TSPAN9: variants seen among roughly 807,000 people sequenced by gnomAD.
TSPAN9 encodes tetraspanin 9.
A neutral mutation model predicts 31.0 loss-of-function variants in TSPAN9; 16 were observed. The observed-to-expected ratio is 0.52, with a 90% CI of 0.35 to 0.78. The LOEUF (loss-of-function observed/expected upper bound fraction) is 0.78. TSPAN9 is among the 30% of genes least tolerant of loss of function. The pLI, the probability that TSPAN9 is intolerant of heterozygous loss-of-function variation, is 0.01. For synonymous variants in TSPAN9, 145 were observed against 121.6 expected (o/e 1.19, Z -1.27); for missense variants, 272 against 312.5 (o/e 0.87, Z 0.98).
chr12:3,098,072 A>T (rs1345778578), intron 2 of TSPAN9, among the ~76,000 whole-genome samples: 1 of 152,228 alleles, frequency 6.6e-6, no homozygotes, highest in African/African-American at 2.4e-5. Flanking sequence ...TGCAGAGTGC[A>T]GCCGGATGTG....
At chr12:3,185,927 T>C (rs908298512) in intron 2 of TSPAN9, among the ~76,000 whole-genome samples, 1 of 152,210 alleles carries the variant, frequency 6.6e-6, no homozygotes, top group African/African-American at 2.4e-5. Flanking sequence ...TTGGAGGCTC[T>C]CACTGTGGAG....
At position 3,198,520 on chromosome 12, in the gene TSPAN9, ACACCAGCACAGGCCAC is replaced by A. The variant is rs1215643700; in HGVS notation, c.-17-2628_-17-2613del. On this transcript the variant is annotated intron_variant, in intron 2 of 8. Transcript: ENST00000011898. ...GCACAGGCCACCACCAGCACAGGTC[ACACCAGCACAGGCCAC>A]CACCAGCACAGGCCACCACCAGCAC... is the stretch of plus-strand genomic sequence containing the variant. Among the ~76,000 whole-genome samples the A allele has an allele frequency of 1.8e-3, 165 of 89,754 alleles. 6 individuals are homozygous for A. The highest frequency in any genetic ancestry group is 8.8e-3 in the African/African-American group (150 of 16,952). 58.9% of individuals were successfully genotyped at this position (89,754 alleles called of 152,430 possible).
intron 3 of TSPAN9, 95 bp downstream of exon 3, chr12:3,201,351 T>C (rs1399188453): frequency 2.4e-6 from 3 of 1,231,782 alleles, no homozygotes; most frequent in Non-Finnish European, 3.6e-6. Context: ...GCTGCATTGC[T>C]CTGCTCTCTG....
intron 3 of TSPAN9, among the ~76,000 whole-genome samples, chr12:3,230,211 T>C (rs2098389941): frequency 6.6e-6 from 1 of 152,188 alleles, no homozygotes; most frequent in Admixed American, 6.5e-5. Flanking sequence ...GTGGAGATGC[T>C]TGGAAGGCCG....
chr12:3,152,733 C>G (rs1242113769), intron 2 of TSPAN9, among the ~76,000 whole-genome samples: 1 of 152,194 alleles, frequency 6.6e-6, no homozygotes, highest in Non-Finnish European at 1.5e-5. Context: ...ACTACAAATG[C>G]CTACCACTAT....
chr12:3,245,472 A>G (rs1042917835), intron 3 of TSPAN9, among the ~76,000 whole-genome samples: 4 of 152,216 alleles, frequency 2.6e-5, no homozygotes, highest in Non-Finnish European at 5.9e-5. Flanking sequence ...TTGAGTTGGC[A>G]GCCCAGGGGA....
At chr12:3,082,579 G>A (rs1407228293) in intron 1 of TSPAN9, among the ~76,000 whole-genome samples, 4 of 152,162 alleles carry the variant, frequency 2.6e-5, no homozygotes, top group Non-Finnish European at 5.9e-5. Context: ...GCTTAAGGAG[G>A]GTGAATCTGA....
At chr12:3,198,888 T>TCACCAC (rs1565610794) in intron 2 of TSPAN9, among the ~76,000 whole-genome samples, 2 of 115,008 alleles carry the variant, frequency 1.7e-5, no homozygotes, top group Non-Finnish European at 3.7e-5. Flanking sequence ...CAGGTCACCA[T>TCACCAC]CAGCACAGGT....
chr12:3,186,636 TAGG>T (rs2098361567), intron 2 of TSPAN9, among the ~76,000 whole-genome samples: 1 of 151,612 alleles, frequency 6.6e-6, no homozygotes, highest in Non-Finnish European at 1.5e-5. Context: ...GAGAAGGCAT[TAGG>T]GGGTTTTGCA....
chr12:3,266,398 T>A (rs570879660), intron 3 of TSPAN9, among the ~76,000 whole-genome samples: 2 of 152,262 alleles, frequency 1.3e-5, no homozygotes, highest in South Asian at 4.2e-4. Context: ...CTAGCACTGG[T>A]GCACGATCGG....
intron 3 of TSPAN9, among the ~76,000 whole-genome samples, chr12:3,243,648 T>C (rs1158646998): frequency 6.6e-6 from 1 of 152,158 alleles, no homozygotes; most frequent in Non-Finnish European, 1.5e-5. Flanking sequence ...TCGGCCCTCC[T>C]GCTGTCACCC....
In TSPAN9 at chr12:3,270,278, C is replaced by T. The variant is rs116401955; in HGVS notation, c.64-8143C>T. On this transcript the variant is annotated intron_variant, in intron 3 of 8. Coordinates refer to ENST00000011898, the MANE Select transcript of TSPAN9 (RefSeq NM_006675.5). Reference sequence around the variant, plus strand: ...TGGGGATGGGGTATAGATGGAGGTGCGGGAGGTGACCTGCATCGTCCTGTA... The same window carrying T: ...TGGGGATGGGGTATAGATGGAGGTGTGGGAGGTGACCTGCATCGTCCTGTA... Among the ~76,000 whole-genome samples, 42 of 152,214 alleles carry T rather than the reference C, an allele frequency of 2.8e-4. No individual in the cohort carries two copies. In the East Asian group the frequency reaches 6.0e-3, roughly 22 times the overall value.
At chr12:3,278,879 C>A in intron 4 of TSPAN9, 113 bp from the exon 5 acceptor site, 1 of 1,173,654 alleles carries the variant, frequency 8.5e-7, no homozygotes, top group Non-Finnish European at 1.3e-6. Flanking sequence ...GAGCTGGCTT[C>A]TCCCAGACCT....
chr12:3,213,449 C>G (rs1407604792), intron 3 of TSPAN9, among the ~76,000 whole-genome samples: 1 of 152,208 alleles, frequency 6.6e-6, no homozygotes, highest in Non-Finnish European at 1.5e-5. Context: ...ATGTCTGAGC[C>G]ATTTAGGACA....
At chr12:3,144,704 C>A (rs1025628646) in intron 2 of TSPAN9, among the ~76,000 whole-genome samples, 1 of 152,196 alleles carries the variant, frequency 6.6e-6, no homozygotes, top group Non-Finnish European at 1.5e-5. Flanking sequence ...GTTGCAGGTG[C>A]GGGCAGCTTC....
chr12:3,208,328 G>T (rs1292041010), intron 3 of TSPAN9, among the ~76,000 whole-genome samples: 9 of 152,156 alleles, frequency 5.9e-5, no homozygotes, highest in Admixed American at 5.9e-4. Flanking sequence ...GGGCCAGGGG[G>T]GTTTCTTGGA....
chr12:3,241,023 G>C (rs1299206226), intron 3 of TSPAN9, among the ~76,000 whole-genome samples: 1 of 152,200 alleles, frequency 6.6e-6, no homozygotes, highest in African/African-American at 2.4e-5. Context: ...CTACAGCACT[G>C]GTTGGGTGTA....
chr12:3,136,808 C>A (rs58304905), intron 2 of TSPAN9, among the ~76,000 whole-genome samples: 2 of 151,928 alleles, frequency 1.3e-5, no homozygotes, highest in South Asian at 2.1e-4. Context: ...GCCATCCGCT[C>A]CCGCCATAGT....
chr12:3,102,109 TC>T (rs1467236820), intron 2 of TSPAN9, among the ~76,000 whole-genome samples: 1 of 151,920 alleles, frequency 6.6e-6, no homozygotes, highest in Non-Finnish European at 1.5e-5. Context: ...ACCTGCTCTT[TC>T]CCCCTGCCTT....
Sources: allele counts gnomAD v4.1 joint callset (sites outside exome capture counted in the v4.1 genomes callset), GRCh38; gene constraint gnomAD v4.1.1; transcripts MANE v1.5; gene names NCBI Gene and HGNC (gene_info 2026-07-23, HGNC 2026-07-21).